The following LYPLAL1 variants were observed in gnomAD, a reference collection of about 807,000 sequenced individuals.
LYPLAL1 encodes the protein lysophospholipase-like protein 1.
A neutral mutation model predicts 19.7 loss-of-function variants in LYPLAL1; 23 were observed. The ratio of observed to expected loss-of-function variants is 1.17; its 90% CI spans 0.84 to 1.65. The LOEUF is 1.65. Ranked by LOEUF, LYPLAL1 falls within the 40% of genes most tolerant of loss-of-function variation. The probability of loss-of-function intolerance (pLI) is 0.00; values close to 1 mark genes in which losing one functional copy is unlikely to be tolerated. For synonymous variants in LYPLAL1, 119 were observed against 96.3 expected (o/e 1.24, Z -1.38); for missense variants, 355 against 279.4 (o/e 1.27, Z -1.93).
At chr1:219,398,245 A>T in the LYPLAL1 span, among the ~76,000 whole-genome samples, 2 of 152,024 alleles carry the variant, frequency 1.3e-5, no homozygotes, top group African/African-American at 4.8e-5. Context: ...GGTTTTGTTC[A>T]TTCCCTTTTA....
chr1:219,308,103 C>G, the LYPLAL1 span, among the ~76,000 whole-genome samples: 2 of 152,192 alleles, frequency 1.3e-5, no homozygotes, highest in South Asian at 4.1e-4. Flanking sequence ...TTGTTGTGAA[C>G]TGGAGCAAAG....
the LYPLAL1 span, among the ~76,000 whole-genome samples, chr1:219,321,041 G>A: frequency 5.1e-4 from 78 of 152,290 alleles, no homozygotes; most frequent in South Asian, 0.016. Context: ...GGTTGAACTA[G>A]TTTACAGTCC....
chr1:219,247,866 C>G, the LYPLAL1 span, among the ~76,000 whole-genome samples: 194 of 151,172 alleles, frequency 1.3e-3, 6 homozygotes, highest in Non-Finnish European at 1.9e-4. Context: ...TAGAAGAAAT[C>G]AATGAGAAAT....
At chr1:219,393,750 C>T in the LYPLAL1 span, among the ~76,000 whole-genome samples, 8 of 150,580 alleles carry the variant, frequency 5.3e-5, no homozygotes, top group East Asian at 2.0e-4. Context: ...TATGTTAAAT[C>T]GGGCAATAGA....
the LYPLAL1 span, among the ~76,000 whole-genome samples, chr1:219,218,663 C>G: frequency 6.6e-6 from 1 of 151,980 alleles, no homozygotes; most frequent in Non-Finnish European, 1.5e-5. Flanking sequence ...TCAAGACAGC[C>G]GATTCACCAG....
chr1:219,391,678 C>T, the LYPLAL1 span, among the ~76,000 whole-genome samples: 1 of 152,000 alleles, frequency 6.6e-6, no homozygotes, highest in African/African-American at 2.4e-5. Context: ...AAAGTCAGCA[C>T]AATAGGAACT....
the LYPLAL1 span, among the ~76,000 whole-genome samples, chr1:219,321,372 T>C: frequency 2.6e-5 from 4 of 152,200 alleles, no homozygotes; most frequent in Non-Finnish European, 5.9e-5. Flanking sequence ...TTGCAAAAAT[T>C]TTCTCCCATT....
chr1:219,228,244 G>A, the LYPLAL1 span, among the ~76,000 whole-genome samples: 1 of 152,310 alleles, frequency 6.6e-6, no homozygotes, highest in South Asian at 2.1e-4. Context: ...AATCACTGAT[G>A]AGAGAAGTGG....
At chr1:219,298,645 T>G in the LYPLAL1 span, among the ~76,000 whole-genome samples, 13 of 152,356 alleles carry the variant, frequency 8.5e-5, no homozygotes, top group South Asian at 1.9e-3. Context: ...GGCAGGCCTC[T>G]GACACATCTC....
At chr1:219,232,050 A>C in the LYPLAL1 span, among the ~76,000 whole-genome samples, 1 of 152,188 alleles carries the variant, frequency 6.6e-6, no homozygotes, top group African/African-American at 2.4e-5. Context: ...AGTCATTTTC[A>C]TACAACTGGC....
At chr1:219,334,422 A>C in the LYPLAL1 span, among the ~76,000 whole-genome samples, 1 of 151,864 alleles carries the variant, frequency 6.6e-6, no homozygotes, top group East Asian at 1.9e-4. Context: ...GCCATTGACC[A>C]CTTTTTCTTC....
At chr1:219,302,234 G>A in the LYPLAL1 span, among the ~76,000 whole-genome samples, 6 of 152,124 alleles carry the variant, frequency 3.9e-5, no homozygotes, top group Non-Finnish European at 8.8e-5. Flanking sequence ...ACTGTTAACT[G>A]ATCTTGCTTC....
chr1:219,414,567 T>C, the LYPLAL1 span, among the ~76,000 whole-genome samples: 5 of 152,234 alleles, frequency 3.3e-5, no homozygotes, highest in Admixed American at 3.3e-4. Flanking sequence ...TTTTCACTTC[T>C]AGTGGAAGTA....
chr1:219,375,446 G>A, the LYPLAL1 span, among the ~76,000 whole-genome samples: 13 of 136,876 alleles, frequency 9.5e-5, no homozygotes, highest in African/African-American at 2.2e-4. Flanking sequence ...AGCCAGGATC[G>A]CAGCACTGCA....
chr1:219,439,430 G>A, the LYPLAL1 span, among the ~76,000 whole-genome samples: 300 of 152,184 alleles, frequency 2.0e-3, 5 homozygotes, highest in African/African-American at 6.8e-3. Context: ...TCCATGATAC[G>A]TTATCCAACC....
chr1:219,382,871 T>G, the LYPLAL1 span, among the ~76,000 whole-genome samples: 120 of 152,016 alleles, frequency 7.9e-4, no homozygotes, highest in South Asian at 3.7e-3. Flanking sequence ...GTTTTGTTTT[T>G]TTTTTCAAAA....
At chr1:219,441,557 T>C in the LYPLAL1 span, among the ~76,000 whole-genome samples, 1 of 152,180 alleles carries the variant, frequency 6.6e-6, no homozygotes, top group Non-Finnish European at 1.5e-5. Context: ...TGAAGTGTTT[T>C]TGAAAAAGAT....
intron 3 of LYPLAL1, among the ~76,000 whole-genome samples, chr1:219,202,028 C>T (rs2125093076): frequency 6.6e-6 from 1 of 152,180 alleles, no homozygotes; most frequent in East Asian, 1.9e-4. Flanking sequence ...TGTATGTATT[C>T]CCTGAGTTAG....
chr1:219,416,956 A>C, the LYPLAL1 span, among the ~76,000 whole-genome samples: 5 of 152,250 alleles, frequency 3.3e-5, no homozygotes, highest in Admixed American at 1.3e-4. Flanking sequence ...AAGGCTACAG[A>C]GGCAAAGTGC....
Sources: gnomAD v4.1 joint callset for allele counts (sites outside exome capture counted in the v4.1 genomes callset) on GRCh38, gnomAD v4.1.1 for gene constraint, MANE v1.5 for transcripts, NCBI Gene and HGNC (gene_info 2026-07-23, HGNC 2026-07-21) for gene names.